PRRC2B: variants seen among roughly 807,000 people sequenced by gnomAD.
PRRC2B encodes the protein proline rich coiled-coil 2B.
In PRRC2B, 68 loss-of-function variants were observed where a neutral mutation model predicts 242.3. That is an observed-to-expected ratio of 0.28 (90% confidence interval 0.23 to 0.34). The LOEUF is 0.34. Ranked by LOEUF, PRRC2B falls within the 10% of genes least tolerant of loss-of-function variation. The pLI is 1.00. For missense variants in PRRC2B, 2,835 were observed against 2,954.8 expected (o/e 0.96, Z 0.94); for synonymous variants, 1,228 against 1,173.6 (o/e 1.05, Z -0.95).
chr9:131,436,746 A>C, intron 4 of PRRC2B, 24 bp downstream of exon 4: 1 of 1,580,870 alleles, frequency 6.3e-7, no homozygotes, highest in Non-Finnish European at 8.7e-7. Context: ...CCCCATCCCA[A>C]CTGTTTCCTG....
chr9:131,406,209 A>T (rs1564275218), intron 1 of PRRC2B, among the ~76,000 whole-genome samples: 1 of 152,006 alleles, frequency 6.6e-6, no homozygotes, highest in Non-Finnish European at 1.5e-5. Context: ...AAAGATTTGG[A>T]CCCGTAGCGC....
intron 2 of PRRC2B, 128 bp from the exon 3 acceptor site, chr9:131,432,489 C>A: frequency 1.2e-6 from 1 of 824,186 alleles, no homozygotes. Flanking sequence ...GCTGGTCTGC[C>A]CTTTGTTTTT....
At chr9:131,395,293 T>C (rs1588236016) in intron 1 of PRRC2B, among the ~76,000 whole-genome samples, 1 of 152,094 alleles carries the variant, frequency 6.6e-6, no homozygotes, top group Non-Finnish European at 1.5e-5. Flanking sequence ...TAAGGTTTAG[T>C]GTGCATTTGA....
rs753455531 is a variant in PRRC2B, at chr9:131,432,720, C to G, written c.219C>G (p.Asn73Lys). 1 of 1,613,930 alleles carries G rather than the reference C, an allele frequency of 6.2e-7. No homozygotes were observed. The highest frequency in any genetic ancestry group is 8.5e-7 in the Non-Finnish European group (1 of 1,179,916). ...GCTTGAAGTCTGAAAACAAAGGAAA[C>G]GACCCCAACATCGTGATAGTACCCA... ...LPSLKSENKG[N>K]DPNIVIVPKD... The change falls in exon 3 of 32, where the codon AAC becomes AAG. Residue 73 changes from asparagine (N) to lysine (K), a missense_variant. Physicochemically the swap from Asn to Lys is moderately conservative, Grantham distance 94 (BLOSUM62 0). This residue lies in a region of PRRC2B where 626 missense variants were observed against 685.5 expected (regional missense o/e 0.91). Coordinates refer to ENST00000683519, the MANE Select transcript of PRRC2B (RefSeq NM_013318.4).
At chr9:131,460,017 T>G (rs1943198323) in intron 11 of PRRC2B, among the ~76,000 whole-genome samples, 1 of 145,878 alleles carries the variant, frequency 6.9e-6, no homozygotes, top group Non-Finnish European at 1.5e-5. Context: ...TAAAACAGCT[T>G]CAAAGTGATA....
At chr9:131,421,447 T>C (rs768165563) in intron 1 of PRRC2B, among the ~76,000 whole-genome samples, 5 of 152,244 alleles carry the variant, frequency 3.3e-5, no homozygotes, top group Non-Finnish European at 5.9e-5. Context: ...CCACGTCCTT[T>C]TCTGGCCCAC....
At chr9:131,425,759 A>G (rs1166713969) in intron 1 of PRRC2B, among the ~76,000 whole-genome samples, 1 of 151,458 alleles carries the variant, frequency 6.6e-6, no homozygotes, top group Non-Finnish European at 1.5e-5. Context: ...AAGTGCTGGG[A>G]TTACAGGCGT....
chr9:131,450,643 A>C (rs1464605336), intron 9 of PRRC2B, among the ~76,000 whole-genome samples: 1 of 151,652 alleles, frequency 6.6e-6, no homozygotes, highest in Non-Finnish European at 1.5e-5. Context: ...GCTGGAGTGC[A>C]GTGGCATGAT....
rs1943349359 is a variant in PRRC2B at position 131,464,948 on chromosome 9, G to A, written c.1590G>A (p.Lys530=). The A allele has an allele frequency of 6.2e-7, 1 of 1,613,972 alleles. No homozygotes were observed. The highest frequency in any genetic ancestry group is 2.2e-5 in the East Asian group (1 of 44,878). ...ERLAACAAKL[K]QLDQKCKQAR... ...TGGCCGCCTGTGCTGCCAAACTCAA[G>A]CAGCTGGACCAGAAGTGTAAGCAGG... The change falls in exon 12 of 32, where the codon AAG becomes AAA. Residue 530 remains lysine (K), a synonymous_variant. Coordinates refer to ENST00000683519, the MANE Select transcript of PRRC2B (RefSeq NM_013318.4).
intron 1 of PRRC2B, among the ~76,000 whole-genome samples, chr9:131,409,471 A>C (rs1439846654): frequency 1.3e-5 from 2 of 152,262 alleles, no homozygotes; most frequent in Non-Finnish European, 2.9e-5. Flanking sequence ...GGTGTGAGCC[A>C]CTGCTCCCTG....
chr9:131,403,572 C>T (rs572695198), intron 1 of PRRC2B, among the ~76,000 whole-genome samples: 3 of 150,708 alleles, frequency 2.0e-5, no homozygotes, highest in African/African-American at 2.4e-5. Flanking sequence ...CCAGGCTGGT[C>T]GCAAACTCCT....
chr9:131,484,923 C>A lies in PRRC2B; in HGVS notation c.5566-25C>A, dbSNP rs541879536. On this transcript the variant is annotated intron_variant, in intron 24 of 31. Coordinates refer to ENST00000683519, the MANE Select transcript of PRRC2B (RefSeq NM_013318.4). ...TGCCAGCGTGATAGTAATTTTCATCCCTCCCCCTCCCCTTGCTTCTGAAGA... is the reference window on the plus strand; with the variant it reads ...TGCCAGCGTGATAGTAATTTTCATCACTCCCCCTCCCCTTGCTTCTGAAGA... The A allele has an allele frequency of 3.1e-6, 5 of 1,594,162 alleles. No individual in the cohort carries two copies. The South Asian group carries it at 5.6e-5, about 18-fold the overall frequency.
chr9:131,472,066 G>A (rs1217961791), intron 14 of PRRC2B, among the ~76,000 whole-genome samples: 2 of 152,056 alleles, frequency 1.3e-5, no homozygotes, highest in Non-Finnish European at 2.9e-5. Flanking sequence ...TAGTACCTTT[G>A]TTGTCATTAA....
chr9:131,389,120 G>A (rs1267866001), upstream of PRRC2B, among the ~76,000 whole-genome samples: 1 of 148,276 alleles, frequency 6.7e-6, no homozygotes, highest in African/African-American at 2.5e-5. Flanking sequence ...GGGATTACAG[G>A]TGTGAGCCAC....
chr9:131,430,561 ATGTGTG>A (rs200517031), intron 2 of PRRC2B, among the ~76,000 whole-genome samples: 24 of 118,804 alleles, frequency 2.0e-4, no homozygotes, highest in Admixed American at 4.3e-4. Flanking sequence ...GTGTGTGTGT[ATGTGTG>A]TGTGTGTGTG....
rs150299355 is a variant in PRRC2B, at chr9:131,407,653, A to C, written c.-52+13390A>C. Among the ~76,000 whole-genome samples the C allele has an allele frequency of 5.6e-3, 850 of 152,248 alleles. 9 individuals carry two copies. The highest frequency in any genetic ancestry group is 0.02 in the Middle Eastern group (6 of 294). On this transcript the variant is annotated intron_variant, in intron 1 of 31. Coordinates refer to ENST00000683519, the MANE Select transcript of PRRC2B (RefSeq NM_013318.4). ...TGCTGGAGATTATTTATACCAACCC[A>C]GCCCTTTTAGCTCCCACTTCAGTAT...
chr9:131,404,264 C>A (rs1299791914), intron 1 of PRRC2B, among the ~76,000 whole-genome samples: 1 of 143,976 alleles, frequency 6.9e-6, no homozygotes, highest in Non-Finnish European at 1.5e-5. Flanking sequence ...TTGCTTGTTG[C>A]CCAGGAAGGC....
At chr9:131,431,419 C>T (rs1016903321) in intron 2 of PRRC2B, among the ~76,000 whole-genome samples, 2 of 151,596 alleles carry the variant, frequency 1.3e-5, no homozygotes, top group African/African-American at 2.4e-5. Context: ...CGTGAGCCAC[C>T]GTGCCCAGCC....
chr9:131,413,752 A>G (rs1474863830), intron 1 of PRRC2B, among the ~76,000 whole-genome samples: 1 of 152,046 alleles, frequency 6.6e-6, no homozygotes, highest in Admixed American at 6.6e-5. Flanking sequence ...GCTCACTGCA[A>G]CCTCTGCCTC....
Sources: gnomAD v4.1 joint callset for allele counts (sites outside exome capture counted in the v4.1 genomes callset) on GRCh38, gnomAD v4.1.1 for gene constraint, gnomAD v4.1.1 regional missense constraint, MANE v1.5 for transcripts, NCBI Gene and HGNC (gene_info 2026-07-23, HGNC 2026-07-21) for gene names.